TBC1D1: variants seen among roughly 807,000 people sequenced by gnomAD.
TBC1D1 encodes the protein TBC1 domain family member 1.
In TBC1D1, 89 loss-of-function variants were observed where a neutral mutation model predicts 125.6. That is an observed-to-expected ratio of 0.71 (90% CI 0.60 to 0.85). The LOEUF is 0.85. Among genes scored for constraint, TBC1D1 ranks in the 40% least tolerant of loss-of-function variants. The pLI, the probability that TBC1D1 is intolerant of heterozygous loss-of-function variation, is 0.00. For missense variants in TBC1D1, 1,377 were observed against 1,469.2 expected, an observed-to-expected ratio of 0.94 and a Z score of 1.03; for synonymous variants, 565 against 564.1, an observed-to-expected ratio of 1.00 and a Z score of -0.02.
At chr4:37,931,909 C>A in intron 2 of TBC1D1, among the ~76,000 whole-genome samples, 1 of 152,188 alleles carries the variant, frequency 6.6e-6, no homozygotes, top group East Asian at 1.9e-4. Flanking sequence ...TTGCTGGTAA[C>A]TGAGCAGAAT....
chr4:38,006,697 G>C (rs377260834), intron 2 of TBC1D1: 2 of 306,120 alleles, frequency 6.5e-6, no homozygotes, highest in East Asian at 1.8e-4. Flanking sequence ...GCCAGGATGG[G>C]CTCAATCTCC....
At chr4:38,011,414 G>C (rs1741475819) in intron 2 of TBC1D1, among the ~76,000 whole-genome samples, 1 of 151,580 alleles carries the variant, frequency 6.6e-6, no homozygotes, top group African/African-American at 2.4e-5. Flanking sequence ...CATTCTGGTA[G>C]AGGGTTTTAT....
intron 15 of TBC1D1, among the ~76,000 whole-genome samples, chr4:38,108,596 T>C (rs1761719871): frequency 6.6e-6 from 1 of 152,198 alleles, no homozygotes; most frequent in African/African-American, 2.4e-5. Context: ...CAGACATGTT[T>C]GGCATGCCTG....
intron 19 of TBC1D1, among the ~76,000 whole-genome samples, chr4:38,133,578 T>C (rs760447737): frequency 1.3e-5 from 2 of 152,192 alleles, no homozygotes; most frequent in Non-Finnish European, 2.9e-5. Flanking sequence ...GCCGTTGTCA[T>C]TACTCAAAGA....
intron 17 of TBC1D1, among the ~76,000 whole-genome samples, chr4:38,120,956 T>C (rs543528815): frequency 6.6e-6 from 1 of 152,190 alleles, no homozygotes; most frequent in Non-Finnish European, 1.5e-5. Flanking sequence ...AGGAGGAGTA[T>C]AAAAACTAAG....
chr4:38,002,319 A>T (rs539907857), intron 2 of TBC1D1, among the ~76,000 whole-genome samples: 46 of 152,358 alleles, frequency 3.0e-4, no homozygotes, highest in Non-Finnish European at 5.3e-4. Context: ...TAAAATAAAA[A>T]TAGCCAGACA....
chr4:37,963,460 C>T (rs1440645967), intron 2 of TBC1D1, among the ~76,000 whole-genome samples: 1 of 152,192 alleles, frequency 6.6e-6, no homozygotes, highest in African/African-American at 2.4e-5. Context: ...CGAAACCAGC[C>T]TGGCCAACAT....
intron 2 of TBC1D1, chr4:37,951,991 T>C: frequency 1.4e-6 from 1 of 717,654 alleles, no homozygotes; most frequent in Non-Finnish European, 2.6e-6. Flanking sequence ...GTATAAGCCT[T>C]TCCCTGTATT....
intron 2 of TBC1D1, among the ~76,000 whole-genome samples, chr4:37,984,612 G>C (rs898058122): frequency 1.3e-5 from 2 of 152,148 alleles, no homozygotes; most frequent in African/African-American, 4.8e-5. Flanking sequence ...GGGAGGCTGA[G>C]GTGGGTGGAT....
intron 11 of TBC1D1, among the ~76,000 whole-genome samples, chr4:38,053,969 G>A (rs550126135): frequency 1.3e-5 from 2 of 152,296 alleles, no homozygotes; most frequent in South Asian, 2.1e-4. Context: ...TGTTACAATC[G>A]AAATCACTTA....
chr4:37,975,602 G>A (rs746617156), intron 2 of TBC1D1, among the ~76,000 whole-genome samples: 16 of 152,294 alleles, frequency 1.1e-4, no homozygotes, highest in Non-Finnish European at 1.8e-4. Context: ...GGCAACAGGC[G>A]TCTTCCCAGA....
chr4:38,088,990 A>G (rs911464306), intron 12 of TBC1D1, among the ~76,000 whole-genome samples: 2 of 152,240 alleles, frequency 1.3e-5, no homozygotes, highest in African/African-American at 4.8e-5. Flanking sequence ...TATAATGCAT[A>G]TAAACCCCCA....
At chr4:38,088,667 CTG>C (rs1291846434) in intron 12 of TBC1D1, among the ~76,000 whole-genome samples, 1 of 152,126 alleles carries the variant, frequency 6.6e-6, no homozygotes, top group East Asian at 1.9e-4. Flanking sequence ...TGTTCTTACT[CTG>C]TGTTGGGCCC....
chr4:38,083,336 C>A (rs936587749), intron 12 of TBC1D1, among the ~76,000 whole-genome samples: 1 of 152,208 alleles, frequency 6.6e-6, no homozygotes, highest in Non-Finnish European at 1.5e-5. Context: ...TATTCAGGCG[C>A]ATACTATCTG....
chr4:38,125,667 ATACAATAGAACCAT>A (rs1397994721), intron 18 of TBC1D1, among the ~76,000 whole-genome samples: 3 of 152,128 alleles, frequency 2.0e-5, no homozygotes, highest in Non-Finnish European at 2.9e-5. Context: ...TGGTTTCAGT[ATACAATAGAACCAT>A]TATCCTCTGA....
At chr4:38,076,912 C>T (rs578055658) in intron 12 of TBC1D1, among the ~76,000 whole-genome samples, 1 of 152,196 alleles carries the variant, frequency 6.6e-6, no homozygotes, top group South Asian at 2.1e-4. Flanking sequence ...ATTATTTTAC[C>T]AGTAACTCCA....
Position 37,995,738 on chromosome 4 carries a change from C to A in TBC1D1, c.418-18771C>A. The A allele has an allele frequency of 1.9e-6, 1 of 529,718 alleles. No individual in the cohort carries two copies. The highest frequency in any genetic ancestry group is 1.9e-5 in the African/African-American group (1 of 52,266). 32.8% of individuals were successfully genotyped at this position (529,718 alleles called of 1,614,324 possible). ...TATTTGGAAATGGTTGTCTGGACGG[C>A]TTGCACTTTGGTCTTAACTGCATTC... On this transcript the variant is annotated intron_variant, in intron 2 of 19. Coordinates refer to ENST00000261439, the MANE Select transcript of TBC1D1 (RefSeq NM_015173.4). The surrounding 1 kb of genome is among the most constrained non-coding windows in gnomAD (Gnocchi z 4.3).
intron 12 of TBC1D1, among the ~76,000 whole-genome samples, chr4:38,076,748 A>G (rs1040146326): frequency 7.9e-5 from 12 of 152,114 alleles, no homozygotes; most frequent in African/African-American, 2.4e-4. Context: ...AGATAGATAT[A>G]TTAGTGTTTA....
chr4:37,914,305 A>G (rs1305199171), intron 2 of TBC1D1, among the ~76,000 whole-genome samples: 1 of 152,228 alleles, frequency 6.6e-6, no homozygotes, highest in African/African-American at 2.4e-5. Flanking sequence ...CAACATGGCT[A>G]AAGTAGAACC....
Sources: allele counts gnomAD v4.1 joint callset (sites outside exome capture counted in the v4.1 genomes callset), GRCh38; gene constraint gnomAD v4.1.1; non-coding constraint Gnocchi (gnomAD v3.1); transcripts MANE v1.5; gene names NCBI Gene and HGNC (gene_info 2026-07-23, HGNC 2026-07-21).